POLR2L: variants seen among roughly 807,000 people sequenced by gnomAD.
POLR2L encodes the protein DNA-directed RNA polymerases I, II, and III subunit RPABC5.
POLR2L carries 7 observed loss-of-function variants against 6.8 expected under a neutral mutation model. The ratio of observed to expected loss-of-function variants is 1.03; its 90% CI spans 0.59 to 1.94. POLR2L has a LOEUF of 1.94. POLR2L is among the 30% of genes most tolerant of loss of function. The pLI is 0.00. For synonymous variants in POLR2L, 59 were observed against 39.8 expected, an observed-to-expected ratio of 1.48 and a Z score of -1.82; for missense variants, 93 against 86.7, an observed-to-expected ratio of 1.07 and a Z score of -0.29.
In POLR2L at chr11:841,338, G is replaced by C. The variant is rs1846960309; in HGVS notation, c.96-858C>G. Among the ~76,000 whole-genome samples the C allele has an allele frequency of 3.9e-5, 6 of 152,310 alleles. No homozygotes were observed. In the South Asian group the frequency reaches 1.2e-3, roughly 32 times the overall value. On this transcript the variant is annotated intron_variant, in intron 1 of 1. Coordinates refer to ENST00000322028, the MANE Select transcript of POLR2L (RefSeq NM_021128.5). Reference sequence around the variant, plus strand: ...GGGGGCACCAAGACTCAGGCACCGTGGTGACAGCAGCACCAAGGGACAAGC... The same window carrying C: ...GGGGGCACCAAGACTCAGGCACCGTCGTGACAGCAGCACCAAGGGACAAGC...
intron 1 of POLR2L, among the ~76,000 whole-genome samples, chr11:842,045 C>A (rs1260205368): frequency 6.6e-6 from 1 of 152,216 alleles, no homozygotes; most frequent in Non-Finnish European, 1.5e-5. Context: ...GCCGCGCCCG[C>A]CCGTCCTGCA....
chr11:841,792 G>C (rs2133968501), intron 1 of POLR2L, among the ~76,000 whole-genome samples: 1 of 152,258 alleles, frequency 6.6e-6, no homozygotes, highest in Non-Finnish European at 1.5e-5. Flanking sequence ...CCAGCTACTC[G>C]GGAGGCTGAG....
chr11:840,185 G>C lies in POLR2L; in HGVS notation c.*187C>G. 1 of 547,298 alleles carries C rather than the reference G, an allele frequency of 1.8e-6. No homozygotes were observed. The highest frequency in any genetic ancestry group is 3.2e-6 in the Non-Finnish European group (1 of 309,284). 33.9% of individuals were successfully genotyped at this position (547,298 alleles called of 1,614,324 possible). A position where few individuals can be genotyped will look rare whatever the true frequency, so the allele number is the denominator to read the frequency against. On this transcript the variant is annotated 3_prime_UTR_variant, in exon 2 of 2. Transcript: ENST00000322028. ...CCTAGACCTGGCTCCTGACATCCTA[G>C]TGAGGGCTGGGACCTTAGTGGTTCT... is the stretch of plus-strand genomic sequence containing the variant.
rs34704315 is a variant in POLR2L, at chr11:840,264, A to G, written c.*108T>C. 1,195 of 707,706 alleles carry G rather than the reference A, an allele frequency of 1.7e-3. 5 individuals are homozygous for G. In the Middle Eastern group the frequency reaches 0.017, roughly 10 times the overall value. 43.8% of individuals were successfully genotyped at this position (707,706 alleles called of 1,614,324 possible). On this transcript the variant is annotated 3_prime_UTR_variant, in exon 2 of 2. Transcript: ENST00000322028. ...AGAGTGGGGTATCGGATACACACAC[A>G]CTGCGGCCAGGCATTACGCCAGCTC...
chr11:840,209 C>A lies in POLR2L; in HGVS notation c.*163G>T, dbSNP rs1228851964. The A allele has an allele frequency of 6.6e-6, 4 of 605,684 alleles. No homozygotes were observed. Among genetic ancestry groups the A allele is most frequent in the Non-Finnish European group, 1.2e-5 (4 of 341,302 alleles). The allele number at this position is 605,684 out of a possible 1,614,324, so 37.5% of individuals were successfully genotyped here. ...AGTGAGGGCTGGGACCTTAGTGGTT[C>A]TGAAAGACCTTTACTGGATGGTTCC... On this transcript the variant is annotated 3_prime_UTR_variant, in exon 2 of 2. Transcript: ENST00000322028.
At chr11:841,471 T>C (rs190875782) in intron 1 of POLR2L, among the ~76,000 whole-genome samples, 1 of 152,298 alleles carries the variant, frequency 6.6e-6, no homozygotes, top group Non-Finnish European at 1.5e-5. Flanking sequence ...TTTCACTCTC[T>C]CTTCCAGGCT....
At chr11:840,957 CAGAG>C (rs1252241556) in intron 1 of POLR2L, among the ~76,000 whole-genome samples, 1 of 152,166 alleles carries the variant, frequency 6.6e-6, no homozygotes, top group Admixed American at 6.5e-5. Flanking sequence ...TTCCTTCCAT[CAGAG>C]AGAGACTGCT....
chr11:840,318 G>T lies in POLR2L; in HGVS notation c.*54C>A. The T allele has an allele frequency of 8.5e-7, 1 of 1,169,838 alleles. No individual in the cohort carries two copies. Among genetic ancestry groups the T allele is most frequent in the Middle Eastern group, 2.0e-4 (1 of 5,058 alleles). The allele number at this position is 1,169,838 out of a possible 1,614,324, so 72.5% of individuals were successfully genotyped here. A position where few individuals can be genotyped will look rare whatever the true frequency, so the allele number is the denominator to read the frequency against. ...GATGCCTCAGCCTCGTGAATTCGGG[G>T]CAGGACGCTCAGGGCCCATGGTCAG... On this transcript the variant is annotated 3_prime_UTR_variant, in exon 2 of 2. Coordinates refer to ENST00000322028, the MANE Select transcript of POLR2L (RefSeq NM_021128.5).
At chr11:841,295 C>T (rs1468458658) in intron 1 of POLR2L, among the ~76,000 whole-genome samples, 1 of 152,184 alleles carries the variant, frequency 6.6e-6, no homozygotes, top group East Asian at 1.9e-4. Context: ...ACTCAGTGGG[C>T]GAGGGTCAGA....
In POLR2L at chr11:842,465, C is replaced by G; in HGVS notation, c.44G>C (p.Gly15Ala). Residue 15 changes from glycine (G) to alanine (A), a missense_variant, in exon 1 of 2, where the codon GGC becomes GCC. Physicochemically the swap from Gly to Ala is moderately conservative, Grantham distance 60. Coordinates refer to ENST00000322028, the MANE Select transcript of POLR2L (RefSeq NM_021128.5). ...CCCCAGGTAAGCCTCCCACTTGTTG[C>G]CGACGATCTTGCCACAAGTGAAGCA... ...VRCFTCGKIV[G>A]NKWEAYLGLL... The G allele has an allele frequency of 6.3e-7, 1 of 1,597,468 alleles. No individual in the cohort carries two copies. The highest frequency in any genetic ancestry group is 8.5e-7 in the Non-Finnish European group (1 of 1,173,578).
In POLR2L at chr11:840,326, C is replaced by T. The variant is rs1426166503; in HGVS notation, c.*46G>A. ...AGCCTCGTGAATTCGGGGCAGGACG[C>T]TCAGGGCCCATGGTCAGCACAGCGG... On this transcript the variant is annotated 3_prime_UTR_variant, in exon 2 of 2. Transcript: ENST00000322028. 1.6e-6 allele frequency: 2 copies of T among 1,290,092 alleles called. No homozygotes were observed. Among genetic ancestry groups the T allele is most frequent in the East Asian group, 4.8e-5 (2 of 41,954 alleles). The allele number at this position is 1,290,092 out of a possible 1,614,324, so 79.9% of individuals were successfully genotyped here.
rs1419272703 is a variant in POLR2L, at chr11:840,321, G to C, written c.*51C>G. ...GCCTCAGCCTCGTGAATTCGGGGCA[G>C]GACGCTCAGGGCCCATGGTCAGCAC... On this transcript the variant is annotated 3_prime_UTR_variant, in exon 2 of 2. Coordinates refer to ENST00000322028, the MANE Select transcript of POLR2L (RefSeq NM_021128.5). The C allele has an allele frequency of 1.6e-6, 2 of 1,222,640 alleles. No homozygotes were observed. The highest frequency in any genetic ancestry group is 1.5e-5 in the African/African-American group (1 of 66,980). The allele number at this position is 1,222,640 out of a possible 1,614,324, so 75.7% of individuals were successfully genotyped here.
chr11:840,485 G>A lies in POLR2L; in HGVS notation c.96-5C>T. The A allele has an allele frequency of 6.3e-7, 1 of 1,594,052 alleles. No homozygotes were observed. The highest frequency in any genetic ancestry group is 8.6e-7 in the Non-Finnish European group (1 of 1,165,540). On this transcript the variant is annotated splice_polypyrimidine_tract_variant and splice_region_variant and intron_variant, in intron 1 of 1. Coordinates refer to ENST00000322028, the MANE Select transcript of POLR2L (RefSeq NM_021128.5). The stretch of plus-strand genomic sequence containing the variant: ...CCCAGGGCATCCAGCGCATCCCTGT[G>A]TCGAGGGGAGGAGCAGAGGCCAACT...
chr11:840,578 AC>A (rs34627090), intron 1 of POLR2L, 98 bp from the exon 2 acceptor site: 454,532 of 695,932 alleles, frequency 0.65, 153,390 homozygotes, highest in East Asian at 0.89. Context: ...TGCTGGCCTC[AC>A]CCCCCCCGCC....
intron 1 of POLR2L, among the ~76,000 whole-genome samples, 172 bp from the exon 2 acceptor site, chr11:840,652 G>A: frequency 6.6e-6 from 1 of 152,208 alleles, no homozygotes; most frequent in East Asian, 1.9e-4. Context: ...GATCCTGGCT[G>A]GAGTAACCTG....
chr11:840,486 T>G lies in POLR2L; in HGVS notation c.96-6A>C. 6.3e-7 allele frequency: 1 copy of G among 1,595,006 alleles called. No individual in the cohort carries two copies. ...CCAGGGCATCCAGCGCATCCCTGTG[T>G]CGAGGGGAGGAGCAGAGGCCAACTG... On this transcript the variant is annotated splice_polypyrimidine_tract_variant and splice_region_variant and intron_variant, in intron 1 of 1. Transcript: ENST00000322028.
At chr11:842,347 A>ACTCAGCC in intron 1 of POLR2L, 67 bp downstream of exon 1, 1 of 1,192,322 alleles carries the variant, frequency 8.4e-7, no homozygotes, top group South Asian at 1.6e-5. Flanking sequence ...CCCAGGGCGG[A>ACTCAGCC]CTCAGCCCCC....
rs774175722 is a variant in POLR2L at position 840,483 on chromosome 11, G to A, written c.96-3C>T. 5.6e-6 allele frequency: 9 copies of A among 1,597,422 alleles called. No homozygotes were observed. Among genetic ancestry groups the A allele is most frequent in the Non-Finnish European group, 6.8e-6 (8 of 1,168,594 alleles). ...GGCCCAGGGCATCCAGCGCATCCCT[G>A]TGTCGAGGGGAGGAGCAGAGGCCAA... On this transcript the variant is annotated splice_polypyrimidine_tract_variant and splice_region_variant and intron_variant, in intron 1 of 1. Coordinates refer to ENST00000322028, the MANE Select transcript of POLR2L (RefSeq NM_021128.5).
upstream of POLR2L, chr11:842,529 T>TGCCCG (rs569042241): frequency 3.0e-4 from 459 of 1,552,580 alleles, 3 homozygotes; most frequent in African/African-American, 6.1e-3. Flanking sequence ...CGTCCCAGAC[T>TGCCCG]GCCCGGCCCG....
Sources: allele counts gnomAD v4.1 joint callset (sites outside exome capture counted in the v4.1 genomes callset), GRCh38; gene constraint gnomAD v4.1.1; transcripts MANE v1.5; gene names NCBI Gene and HGNC (gene_info 2026-07-23, HGNC 2026-07-21).